The following RPS6KA2 variants were observed in gnomAD, a reference collection of about 807,000 sequenced individuals.
RPS6KA2 encodes the protein ribosomal protein S6 kinase alpha-2.
RPS6KA2 carries 42 observed loss-of-function variants against 91.8 expected under a neutral mutation model. The ratio of observed to expected loss-of-function variants is 0.46; its 90% CI spans 0.36 to 0.59. The LOEUF (loss-of-function observed/expected upper bound fraction) is 0.59, where lower values mean the gene tolerates loss of function less well. Ranked by LOEUF, RPS6KA2 falls within the 20% of genes least tolerant of loss-of-function variation. The probability of loss-of-function intolerance (pLI) is 0.00; values close to 1 mark genes in which losing one functional copy is unlikely to be tolerated. For missense variants in RPS6KA2, 798 were observed against 978.5 expected, an observed-to-expected ratio of 0.82 and a Z score of 2.46; for synonymous variants, 414 against 393.6, an observed-to-expected ratio of 1.05 and a Z score of -0.61.
At chr6:166,547,655 C>T (rs1198947166) in intron 1 of RPS6KA2, among the ~76,000 whole-genome samples, 3 of 152,202 alleles carry the variant, frequency 2.0e-5, no homozygotes, top group East Asian at 3.8e-4. Flanking sequence ...ACCCATGGCA[C>T]GTGTGCAGCA....
rs1782337657 is a variant in RPS6KA2 at position 166,508,377 on chromosome 6, C to T, written c.380-95G>A. 2.5e-6 allele frequency: 2 copies of T among 815,768 alleles called. No homozygotes were observed. Among genetic ancestry groups the T allele is most frequent in the Non-Finnish European group, 4.1e-6 (2 of 487,654 alleles). 50.5% of individuals were successfully genotyped at this position (815,768 alleles called of 1,614,324 possible). ...CTCCCTGCTCACGGTGCTGCTTACTCCGGGAGGCTGAGTCACTTGAGAAAC... is the reference window on the plus strand; with the variant it reads ...CTCCCTGCTCACGGTGCTGCTTACTTCGGGAGGCTGAGTCACTTGAGAAAC... On this transcript the variant is annotated intron_variant, in intron 4 of 20. Transcript: ENST00000265678. The surrounding 1 kb of genome is among the most constrained non-coding windows in gnomAD (Gnocchi z 4.3).
At chr6:166,687,561 C>T (rs1789063490) in intron 2 of RPS6KA2, among the ~76,000 whole-genome samples, 1 of 152,142 alleles carries the variant, frequency 6.6e-6, no homozygotes, top group Non-Finnish European at 1.5e-5. Context: ...CTGAAGAATT[C>T]AACTATTGGG....
At chr6:166,779,150 G>A (rs1191804867) in intron 2 of RPS6KA2, among the ~76,000 whole-genome samples, 1 of 152,152 alleles carries the variant, frequency 6.6e-6, no homozygotes, top group Non-Finnish European at 1.5e-5. Context: ...GTTCCTTGGT[G>A]GGAGAGTGGA....
At chr6:166,817,857 G>A (rs1037056606) in intron 2 of RPS6KA2, among the ~76,000 whole-genome samples, 4 of 151,796 alleles carry the variant, frequency 2.6e-5, no homozygotes, top group African/African-American at 9.7e-5. Context: ...CGAGTAGCTG[G>A]GATTACAGGC....
At chr6:166,747,933 G>A (rs1422374269) in intron 2 of RPS6KA2, among the ~76,000 whole-genome samples, 1 of 152,212 alleles carries the variant, frequency 6.6e-6, no homozygotes, top group Non-Finnish European at 1.5e-5. Flanking sequence ...CGGACACAGA[G>A]CAGACACAGG....
At chr6:166,698,035 C>A (rs948153510) in intron 2 of RPS6KA2, among the ~76,000 whole-genome samples, 1 of 152,010 alleles carries the variant, frequency 6.6e-6, no homozygotes, top group Admixed American at 6.5e-5. Context: ...ATTTGCTGTG[C>A]AGAGAAGAGA....
chr6:166,641,326 A>G, intron 2 of RPS6KA2, among the ~76,000 whole-genome samples: 1 of 152,202 alleles, frequency 6.6e-6, no homozygotes, highest in Non-Finnish European at 1.5e-5. Context: ...AACAGCAAGG[A>G]AGGTTGAAGC....
At chr6:166,747,495 C>T (rs776678224) in intron 2 of RPS6KA2, among the ~76,000 whole-genome samples, 36 of 152,204 alleles carry the variant, frequency 2.4e-4, no homozygotes, top group Admixed American at 2.0e-3. Flanking sequence ...AAATGCACAT[C>T]GCATGTCTTA....
chr6:166,782,438 T>G (rs1301497950), intron 2 of RPS6KA2, among the ~76,000 whole-genome samples: 1 of 152,172 alleles, frequency 6.6e-6, no homozygotes, highest in Admixed American at 6.5e-5. Context: ...GTTTTGAAGA[T>G]GGAGACTCGG....
In RPS6KA2 at chr6:166,498,576, C is replaced by T. The variant is rs776613761; in HGVS notation, c.679G>A (p.Ala227Thr). The T allele has an allele frequency of 5.6e-6, 9 of 1,613,758 alleles. No individual in the cohort carries two copies. The highest frequency in any genetic ancestry group is 7.6e-6 in the Non-Finnish European group (9 of 1,179,984). The change falls in exon 8 of 21, where the codon GCG (alanine) becomes ACG (threonine). Residue 227 changes from alanine to threonine, a missense_variant. Physicochemically the swap from Ala to Thr is moderately conservative, Grantham distance 58 (BLOSUM62 0). Transcript: ENST00000265678. ...YSFCGTIEYM[A>T]PEVVNRRGHT... ...CCTCGCCGGTTCACCACCTCGGGCG[C>T]CATGTACTCGATCGTCCCGCAGAAG... is the stretch of plus-strand genomic sequence containing the variant.
At chr6:166,780,985 AAAGAGACT>A (rs1778754002) in intron 2 of RPS6KA2, among the ~76,000 whole-genome samples, 1 of 152,240 alleles carries the variant, frequency 6.6e-6, no homozygotes, top group Non-Finnish European at 1.5e-5. Context: ...TCGCTAGCAG[AAAGAGACT>A]ATTTTACTGA....
chr6:166,623,501 G>A (rs939936225), intron 1 of RPS6KA2, among the ~76,000 whole-genome samples: 2 of 152,230 alleles, frequency 1.3e-5, no homozygotes, highest in African/African-American at 4.8e-5. Flanking sequence ...AACGTATTTT[G>A]TAGATAAGTG....
intron 2 of RPS6KA2, among the ~76,000 whole-genome samples, chr6:166,795,655 G>T (rs528116939): frequency 6.6e-6 from 1 of 152,184 alleles, no homozygotes; most frequent in Non-Finnish European, 1.5e-5. Context: ...TGAGGACTGC[G>T]GGGTGAGAAA....
chr6:166,776,434 C>T (rs540301903), intron 2 of RPS6KA2, among the ~76,000 whole-genome samples: 94 of 152,224 alleles, frequency 6.2e-4, no homozygotes, highest in Middle Eastern at 6.8e-3. Flanking sequence ...TTTTTTATAT[C>T]GAGGTGAATT....
At chr6:166,719,007 T>C (rs1790098506) in intron 2 of RPS6KA2, among the ~76,000 whole-genome samples, 1 of 152,200 alleles carries the variant, frequency 6.6e-6, no homozygotes, top group Non-Finnish European at 1.5e-5. Context: ...AAGGCCAATA[T>C]ACTTGGCACC....
chr6:166,538,921 C>T, intron 1 of RPS6KA2, 137 bp from the exon 2 acceptor site: 1 of 539,898 alleles, frequency 1.9e-6, no homozygotes, highest in Non-Finnish European at 3.4e-6. Context: ...GTGGAGACAC[C>T]ATTTAGTTGT....
At chr6:166,709,371 T>C (rs1789781785) in intron 2 of RPS6KA2, among the ~76,000 whole-genome samples, 1 of 150,258 alleles carries the variant, frequency 6.7e-6, no homozygotes, top group South Asian at 2.1e-4. Flanking sequence ...CTCACGCCTG[T>C]CATCCCGGCA....
chr6:166,794,946 A>G (rs942770279), intron 2 of RPS6KA2, among the ~76,000 whole-genome samples: 2 of 152,092 alleles, frequency 1.3e-5, no homozygotes, highest in Non-Finnish European at 2.9e-5. Flanking sequence ...ACATGTATAC[A>G]TATGTAACAA....
rs1247512587 is a variant in RPS6KA2, at chr6:166,531,276, C to T, written c.254G>A (p.Gly85Glu). 1.3e-5 allele frequency: 21 copies of T among 1,613,992 alleles called. No homozygotes were observed. The highest frequency in any genetic ancestry group is 1.8e-5 in the Non-Finnish European group (21 of 1,180,018). ...LVRKVKGSDA[G>E]QLYAMKVLKK... is the part of the protein sequence containing the mutation. ...AAGGACCTTCATGGCGTAGAGCTGCCCAGCGTCGGACCCCTTCACCTTCCT... is the reference window on the plus strand; with the variant it reads ...AAGGACCTTCATGGCGTAGAGCTGCTCAGCGTCGGACCCCTTCACCTTCCT... Residue 85 changes from glycine (G) to glutamate (E), a missense_variant, in exon 3 of 21, where the codon GGG becomes GAG. Physicochemically the swap from Gly to Glu is moderately conservative, Grantham distance 98. Coordinates refer to ENST00000265678, the MANE Select transcript of RPS6KA2 (RefSeq NM_021135.6).
Sources: allele counts gnomAD v4.1 joint callset (sites outside exome capture counted in the v4.1 genomes callset), GRCh38; gene constraint gnomAD v4.1.1; non-coding constraint Gnocchi (gnomAD v3.1); transcripts MANE v1.5; gene names NCBI Gene and HGNC (gene_info 2026-07-23, HGNC 2026-07-21).